Variants in DZANK1 observed in about 807,000 individuals in gnomAD.
The protein encoded by DZANK1 is double zinc ribbon and ankyrin repeat-containing protein 1.
Under a neutral mutation model 94.5 loss-of-function variants are expected in DZANK1, and 91 were observed. The ratio of observed to expected loss-of-function variants is 0.96; its 90% CI spans 0.81 to 1.15. The LOEUF (loss-of-function observed/expected upper bound fraction) is 1.15. Among genes scored for constraint, DZANK1 ranks in the 50% most tolerant of loss-of-function variants. The pLI is 0.00. For missense variants in DZANK1, 903 were observed against 916.4 expected, an observed-to-expected ratio of 0.99 and a Z score of 0.19; for synonymous variants, 312 against 325.3, an observed-to-expected ratio of 0.96 and a Z score of 0.44.
At chr20:18,458,853 C>T (rs2059377435) in intron 3 of DZANK1, among the ~76,000 whole-genome samples, 1 of 152,188 alleles carries the variant, frequency 6.6e-6, no homozygotes, top group African/African-American at 2.4e-5. Flanking sequence ...CCCCAGCTGG[C>T]CCTTCCTTGG....
At chr20:18,450,404 A>G (rs746722192) in intron 6 of DZANK1, among the ~76,000 whole-genome samples, 17 of 152,252 alleles carry the variant, frequency 1.1e-4, no homozygotes, top group Non-Finnish European at 2.4e-4. Flanking sequence ...AAAAACAAAT[A>G]AATAAAAACA....
chr20:18,424,192 G>A (rs2057922626), intron 10 of DZANK1, among the ~76,000 whole-genome samples: 1 of 152,216 alleles, frequency 6.6e-6, no homozygotes, highest in Admixed American at 6.5e-5. Context: ...GCTCATGCCT[G>A]TAATCCCAGC....
rs2056336275 is a variant in DZANK1, at chr20:18,396,284, T to G, written c.1611+188A>C. 3.3e-5 allele frequency among the ~76,000 whole-genome samples: 5 copies of G among 152,372 alleles called. 1 individual carries two copies. In the South Asian group the frequency reaches 8.3e-4, roughly 25 times the overall value. On this transcript the variant is annotated intron_variant, in intron 15 of 20. Coordinates refer to ENST00000262547, the Ensembl canonical transcript of DZANK1. The stretch of plus-strand genomic sequence containing the variant: ...ACTACAGAACAACTCCTGTTCTCAC[T>G]ATATCTTCATGTGCCTGTCTGAGGT...
intron 11 of DZANK1, 115 bp downstream of exon 11, chr20:18,415,212 C>T: frequency 9.2e-7 from 1 of 1,083,848 alleles, no homozygotes; most frequent in South Asian, 3.7e-5. Context: ...GTTATAGGTA[C>T]CAGTAGCGAA....
rs148678796 is a variant in DZANK1 at position 18,412,463 on chromosome 20, A to G, written c.1432+183T>C. On this transcript the variant is annotated intron_variant, in intron 13 of 20. Coordinates refer to ENST00000262547, the Ensembl canonical transcript of DZANK1. ...AAAACATCAGAATACTGAAAGTTTA[A>G]GAAGGAGCTTACAGGAAGAGCTTCT... Among the ~76,000 whole-genome samples the G allele has an allele frequency of 1.7e-3, 266 of 152,378 alleles. 1 individual carries two copies. The highest frequency in any genetic ancestry group is 5.9e-3 in the African/African-American group (245 of 41,586).
At chr20:18,461,729 A>T (rs1440935443) in intron 2 of DZANK1, among the ~76,000 whole-genome samples, 1 of 151,696 alleles carries the variant, frequency 6.6e-6, no homozygotes, top group Non-Finnish European at 1.5e-5. Flanking sequence ...CCTCTTGAGT[A>T]GCTAGGATTA....
intron 10 of DZANK1, among the ~76,000 whole-genome samples, chr20:18,416,797 G>C (rs1029049259): frequency 6.6e-6 from 1 of 151,932 alleles, no homozygotes; most frequent in Non-Finnish European, 1.5e-5. Context: ...AACTCCTTCA[G>C]GTAAATCAAA....
exon 21 of DZANK1, chr20:18,384,454 T>C (rs772737029): frequency 6.2e-7 from 1 of 1,611,866 alleles, no homozygotes; most frequent in Non-Finnish European, 8.5e-7. Flanking sequence ...CTCAAGCCCT[T>C]GGCCAAACTT....
chr20:18,446,447 T>C (rs2058885513), intron 7 of DZANK1, among the ~76,000 whole-genome samples: 1 of 152,158 alleles, frequency 6.6e-6, no homozygotes, highest in Non-Finnish European at 1.5e-5. Flanking sequence ...TTGAACTGAA[T>C]GAAGATGAAA....
At chr20:18,455,602 C>T (rs577245555) in intron 3 of DZANK1, among the ~76,000 whole-genome samples, 9 of 152,330 alleles carry the variant, frequency 5.9e-5, no homozygotes, top group African/African-American at 1.9e-4. Flanking sequence ...TGTGGATTCA[C>T]GGTCCCCACT....
chr20:18,415,330 G>A (rs752693960), exon 11 of DZANK1: 9 of 1,549,166 alleles, frequency 5.8e-6, no homozygotes, highest in South Asian at 1.2e-5. Flanking sequence ...TACCCACCAT[G>A]GCTCCACACC....
At chr20:18,427,379 G>A (rs1313812209) in intron 9 of DZANK1, among the ~76,000 whole-genome samples, 1 of 151,822 alleles carries the variant, frequency 6.6e-6, no homozygotes, top group Non-Finnish European at 1.5e-5. Flanking sequence ...GTAGAGATGG[G>A]ATCCGACTGT....
intron 7 of DZANK1, among the ~76,000 whole-genome samples, chr20:18,447,415 G>A (rs1330788428): frequency 1.3e-5 from 2 of 152,162 alleles, no homozygotes; most frequent in African/African-American, 4.8e-5. Flanking sequence ...TCCGCCTCCC[G>A]GGTTCAAGCG....
At chr20:18,450,214 A>T (rs2059051419) in intron 6 of DZANK1, among the ~76,000 whole-genome samples, 1 of 152,190 alleles carries the variant, frequency 6.6e-6, no homozygotes, top group Non-Finnish European at 1.5e-5. Flanking sequence ...CCTGCAGGCA[A>T]TAGAGAGCAG....
intron 9 of DZANK1, among the ~76,000 whole-genome samples, chr20:18,428,309 C>A (rs1158918868): frequency 6.6e-6 from 1 of 151,848 alleles, no homozygotes; most frequent in Non-Finnish European, 1.5e-5. Context: ...CTGCCTCAGC[C>A]TCCCGAGTAG....
chr20:18,392,642 CT>C (rs1249407983), intron 17 of DZANK1, among the ~76,000 whole-genome samples: 1 of 152,230 alleles, frequency 6.6e-6, no homozygotes, highest in Non-Finnish European at 1.5e-5. Context: ...TTCTCCAAAG[CT>C]CCTTTTAGAA....
At chr20:18,433,854 AC>A in intron 8 of DZANK1, 89 bp from the exon 9 acceptor site, 1 of 1,112,186 alleles carries the variant, frequency 9.0e-7, no homozygotes, top group Non-Finnish European at 1.3e-6. Context: ...CTACAGCCGT[AC>A]CACCCTGAAC....
At chr20:18,433,271 G>A in intron 9 of DZANK1, 1 of 222,948 alleles carries the variant, frequency 4.5e-6, no homozygotes, top group South Asian at 6.6e-5. Context: ...TGGCGGGCAT[G>A]GTGGCTTATG....
intron 4 of DZANK1, among the ~76,000 whole-genome samples, 196 bp downstream of exon 4, chr20:18,455,051 C>T (rs926786312): frequency 6.6e-6 from 1 of 152,198 alleles, no homozygotes; most frequent in Non-Finnish European, 1.5e-5. Context: ...CAGGAACTCT[C>T]ATCTTCAGGG....
Sources: gnomAD v4.1 joint callset for allele counts (sites outside exome capture counted in the v4.1 genomes callset) on GRCh38, gnomAD v4.1.1 for gene constraint, MANE v1.5 for transcripts, NCBI Gene and HGNC (gene_info 2026-07-23, HGNC 2026-07-21) for gene names.